Variants in ABAT observed in about 807,000 individuals in gnomAD.
ABAT encodes the protein 4-aminobutyrate aminotransferase, mitochondrial.
ABAT carries 45 observed loss-of-function variants against 64.6 expected under a neutral mutation model. That is an observed-to-expected ratio of 0.70 (90% CI 0.55 to 0.89). The LOEUF is 0.89. ABAT is among the 40% of genes least tolerant of loss of function. The pLI, the probability that ABAT is intolerant of heterozygous loss-of-function variation, is 0.00. For missense variants in ABAT, 633 were observed against 658.4 expected, an observed-to-expected ratio of 0.96 and a Z score of 0.42; for synonymous variants, 297 against 250.5, an observed-to-expected ratio of 1.19 and a Z score of -1.75.
chr16:8,720,931 A>G (rs1321894091), intron 1 of ABAT: 2 of 152,278 alleles, frequency 1.3e-5, no homozygotes, highest in African/African-American at 4.8e-5. Flanking sequence ...AGCGGAGTAG[A>G]AAGGTGAGTC....
rs1038168288 is a variant in ABAT at position 8,734,515 on chromosome 16, C to G, written c.-41-1184C>G. On this transcript the variant is annotated intron_variant, in intron 1 of 15. Coordinates refer to ENST00000268251, the MANE Select transcript of ABAT (RefSeq NM_020686.6). ...TCGGCTTTCAGATCCACCACTTAAC[C>G]TCTCTGTGCCTCAATTTCCTCCTCT... 7.2e-4 allele frequency among the ~76,000 whole-genome samples: 110 copies of G among 152,218 alleles called. 2 individuals carry two copies. Among genetic ancestry groups the G allele is most frequent in the Non-Finnish European group, 2.6e-4 (18 of 68,054 alleles).
chr16:8,759,777 C>T (rs1186319917), intron 6 of ABAT, among the ~76,000 whole-genome samples: 1 of 152,176 alleles, frequency 6.6e-6, no homozygotes, highest in Non-Finnish European at 1.5e-5. Flanking sequence ...CTCCTGGGCT[C>T]AAGTAATCCT....
At chr16:8,741,519 T>C (rs539192843) in intron 2 of ABAT, among the ~76,000 whole-genome samples, 1 of 152,206 alleles carries the variant, frequency 6.6e-6, no homozygotes, top group African/African-American at 2.4e-5. Flanking sequence ...TTTGTGAGAA[T>C]TAAATGAGAT....
chr16:8,714,101 C>T (rs1424753455), intron 1 of ABAT, among the ~76,000 whole-genome samples: 1 of 152,080 alleles, frequency 6.6e-6, no homozygotes, highest in African/African-American at 2.4e-5. Flanking sequence ...ACTTTGTGAA[C>T]ACAGCAGGAG....
chr16:8,719,911 A>T (rs1169071802), intron 1 of ABAT, among the ~76,000 whole-genome samples: 1 of 152,202 alleles, frequency 6.6e-6, no homozygotes, highest in African/African-American at 2.4e-5. Flanking sequence ...TCTCAGGTTT[A>T]AGCAATTCTC....
chr16:8,726,354 G>T (rs989283668), intron 1 of ABAT, among the ~76,000 whole-genome samples: 1 of 144,488 alleles, frequency 6.9e-6, no homozygotes, highest in Non-Finnish European at 1.5e-5. Flanking sequence ...TCTGCCTCCC[G>T]GGTTCAAGCG....
chr16:8,709,431 T>G (rs1371731359), intron 1 of ABAT, among the ~76,000 whole-genome samples: 1 of 152,148 alleles, frequency 6.6e-6, no homozygotes, highest in Non-Finnish European at 1.5e-5. Context: ...TGGACTGCAG[T>G]AGCACTATCT....
chr16:8,737,840 A>G (rs1266077760), intron 2 of ABAT, among the ~76,000 whole-genome samples: 5 of 149,834 alleles, frequency 3.3e-5, no homozygotes, highest in Non-Finnish European at 7.4e-5. Context: ...AGGCAGAAGA[A>G]GCACTTGAAC....
In ABAT at chr16:8,750,558, T is replaced by C. The variant is rs1278852788; in HGVS notation, c.316+19T>C. 9 of 1,602,468 alleles carry C rather than the reference T, an allele frequency of 5.6e-6. No homozygotes were observed. The highest frequency in any genetic ancestry group is 6.8e-6 in the Non-Finnish European group (8 of 1,169,832). ...CCCATAGGTAAGAGCTGGGAAATCA[T>C]TCCTTGGATATAACCTCTGTTTCTG... On this transcript the variant is annotated intron_variant, in intron 5 of 15. Coordinates refer to ENST00000268251, the MANE Select transcript of ABAT (RefSeq NM_020686.6).
chr16:8,697,016 T>G (rs1372844639), intron 1 of ABAT, among the ~76,000 whole-genome samples: 1 of 152,116 alleles, frequency 6.6e-6, no homozygotes, highest in Non-Finnish European at 1.5e-5. Context: ...GACGAGGAGC[T>G]TGCGTGCTGG....
At chr16:8,732,104 C>T (rs975734545) in intron 1 of ABAT, among the ~76,000 whole-genome samples, 1 of 151,996 alleles carries the variant, frequency 6.6e-6, no homozygotes, top group African/African-American at 2.4e-5. Flanking sequence ...CCACCCATCT[C>T]GGCCTCCCAA....
At chr16:8,752,519 G>T (rs1482770225) in intron 5 of ABAT, among the ~76,000 whole-genome samples, 1 of 152,222 alleles carries the variant, frequency 6.6e-6, no homozygotes, top group Non-Finnish European at 1.5e-5. Context: ...AGCACTTTGG[G>T]AGGCCAAGGG....
intron 1 of ABAT, among the ~76,000 whole-genome samples, chr16:8,705,302 A>G (rs1388288554): frequency 1.3e-5 from 2 of 152,018 alleles, no homozygotes; most frequent in Non-Finnish European, 2.9e-5. Context: ...GCCACTTTAA[A>G]ACCGTCAGAT....
chr16:8,746,319 G>A (rs1415809087), intron 3 of ABAT, among the ~76,000 whole-genome samples: 1 of 151,980 alleles, frequency 6.6e-6, no homozygotes, highest in African/African-American at 2.4e-5. Flanking sequence ...TTGAGAGGTT[G>A]AGGCGGGCGG....
In ABAT at chr16:8,757,002, G is replaced by T. The variant is rs140321547; in HGVS notation, c.317-755G>T. On this transcript the variant is annotated intron_variant, in intron 5 of 15. Transcript: ENST00000268251. ...GCATGCGGGTCACAGATTGCAGGTG[G>T]CATCACTACTCGCTCAGTCTCTGAG... Among the ~76,000 whole-genome samples the T allele has an allele frequency of 2.1e-4, 32 of 152,256 alleles. 1 individual carries two copies. In the East Asian group the frequency reaches 6.2e-3, roughly 29 times the overall value.
At chr16:8,747,059 C>T (rs2059353337) in intron 3 of ABAT, among the ~76,000 whole-genome samples, 1 of 152,138 alleles carries the variant, frequency 6.6e-6, no homozygotes, top group African/African-American at 2.4e-5. Context: ...TGTACAAAAG[C>T]AAGAGGAGAA....
intron 1 of ABAT, among the ~76,000 whole-genome samples, chr16:8,688,708 C>T (rs994877735): frequency 6.6e-6 from 1 of 152,180 alleles, no homozygotes; most frequent in Non-Finnish European, 1.5e-5. Flanking sequence ...CCATCTCAGC[C>T]TCCTGAAGTG....
chr16:8,745,289 C>A (rs2059297803), intron 2 of ABAT, among the ~76,000 whole-genome samples: 1 of 152,160 alleles, frequency 6.6e-6, no homozygotes, highest in South Asian at 2.1e-4. Flanking sequence ...GCCCTCTTTG[C>A]TGTTAAATAG....
chr16:8,707,233 C>G (rs914295653), intron 1 of ABAT, among the ~76,000 whole-genome samples: 2 of 152,028 alleles, frequency 1.3e-5, no homozygotes, highest in Non-Finnish European at 2.9e-5. Flanking sequence ...GTCACCCAGG[C>G]TTGAGTACAG....
Sources: allele counts gnomAD v4.1 joint callset (sites outside exome capture counted in the v4.1 genomes callset), GRCh38; gene constraint gnomAD v4.1.1; transcripts MANE v1.5; gene names NCBI Gene and HGNC (gene_info 2026-07-23, HGNC 2026-07-21).